The following PDIA5 variants were observed in gnomAD, a reference collection of about 807,000 sequenced individuals.
The protein encoded by PDIA5 is protein disulfide-isomerase A5.
A neutral mutation model predicts 77.6 loss-of-function variants in PDIA5; 58 were observed. The observed-to-expected ratio is 0.75, with a 90% CI of 0.61 to 0.93. The LOEUF (loss-of-function observed/expected upper bound fraction) is 0.93. Among genes scored for constraint, PDIA5 ranks in the 40% least tolerant of loss-of-function variants. The probability of loss-of-function intolerance (pLI) is 0.00; values close to 1 mark genes in which losing one functional copy is unlikely to be tolerated. For synonymous variants in PDIA5, 250 were observed against 252.1 expected (o/e 0.99, Z 0.08); for missense variants, 630 against 647.7 (o/e 0.97, Z 0.30).
chr3:123,124,707 C>G (rs1935201670), intron 10 of PDIA5, among the ~76,000 whole-genome samples: 1 of 152,218 alleles, frequency 6.6e-6, no homozygotes, highest in Non-Finnish European at 1.5e-5. Flanking sequence ...TCCCACATTT[C>G]ACATCAAGTT....
At chr3:123,156,491 A>G (rs1157590010) in intron 15 of PDIA5, among the ~76,000 whole-genome samples, 1 of 152,168 alleles carries the variant, frequency 6.6e-6, no homozygotes, top group Non-Finnish European at 1.5e-5. Context: ...TGCACAGCAC[A>G]GGGTAGTTGC....
chr3:123,078,088 A>G (rs968762601), intron 1 of PDIA5, among the ~76,000 whole-genome samples: 1 of 152,212 alleles, frequency 6.6e-6, no homozygotes, highest in Non-Finnish European at 1.5e-5. Flanking sequence ...GATTACAGGC[A>G]TGAGCCACCG....
At chr3:123,134,590 C>T (rs1935447486) in intron 11 of PDIA5, among the ~76,000 whole-genome samples, 1 of 152,210 alleles carries the variant, frequency 6.6e-6, no homozygotes, top group South Asian at 2.1e-4. Flanking sequence ...TCACTTCCCA[C>T]CTCATCTGCC....
intron 12 of PDIA5, 132 bp downstream of exon 12, chr3:123,145,724 C>G (rs1935753480): frequency 1.4e-6 from 1 of 703,686 alleles, no homozygotes; most frequent in Non-Finnish European, 2.5e-6. Context: ...CCTCTGTGTG[C>G]CCAAGTAGAA....
Position 123,067,216 on chromosome 3 carries a change from TGGGGCAGGGATCC to T in PDIA5, c.42+14_42+26del. Reference sequence around the variant, plus strand: ...GCTGCTGGCAATCTGGGTGAGACTGTGGGGCAGGGATCCGGGCCGGGCCAGCACGTGTGTCCCG... The same window carrying T: ...GCTGCTGGCAATCTGGGTGAGACTGTGGGCCGGGCCAGCACGTGTGTCCCG... On this transcript the variant is annotated intron_variant, in intron 1 of 16. Coordinates refer to ENST00000316218, the MANE Select transcript of PDIA5 (RefSeq NM_006810.4). 8.0e-7 allele frequency: 1 copy of T among 1,246,014 alleles called. No individual in the cohort carries two copies. 77.2% of individuals were successfully genotyped at this position (1,246,014 alleles called of 1,614,324 possible).
chr3:123,153,646 C>G (rs1334702294), intron 14 of PDIA5, among the ~76,000 whole-genome samples: 1 of 152,122 alleles, frequency 6.6e-6, no homozygotes, highest in Admixed American at 6.5e-5. Context: ...CTTGGCAAAG[C>G]CCTCTACACC....
chr3:123,123,492 C>A (rs1321880072), intron 8 of PDIA5, among the ~76,000 whole-genome samples: 1 of 152,138 alleles, frequency 6.6e-6, no homozygotes, highest in Non-Finnish European at 1.5e-5. Flanking sequence ...CCTCGTTTCT[C>A]ATGTTGTGTT....
chr3:123,138,120 A>C (rs1426029201), intron 11 of PDIA5, among the ~76,000 whole-genome samples: 1 of 151,964 alleles, frequency 6.6e-6, no homozygotes, highest in Non-Finnish European at 1.5e-5. Context: ...TAATTTTTTA[A>C]ATTTTTATAG....
intron 11 of PDIA5, among the ~76,000 whole-genome samples, chr3:123,141,578 A>G (rs1031496746): frequency 1.3e-5 from 2 of 152,176 alleles, no homozygotes; most frequent in Non-Finnish European, 2.9e-5. Flanking sequence ...ACTCTGCCCC[A>G]GTCAGGGGAG....
chr3:123,150,294 C>A lies in PDIA5; in HGVS notation c.1203C>A (p.His401Gln). The A allele has an allele frequency of 6.2e-7, 1 of 1,613,800 alleles. No homozygotes were observed. The highest frequency in any genetic ancestry group is 1.1e-5 in the South Asian group (1 of 91,068). Residue 401 changes from histidine to glutamine, a missense_variant, in exon 14 of 17, where the codon CAC (histidine) becomes CAA (glutamine). Coordinates refer to ENST00000316218, the MANE Select transcript of PDIA5 (RefSeq NM_006810.4). The stretch of plus-strand genomic sequence containing the variant: ...AAGAGCAGCAGACAAGCGTGTTGCA[C>A]CTGGTGGGGGACAACTTCCGGGAGA... ...TWEEQQTSVL[H>Q]LVGDNFRETL...
intron 13 of PDIA5, among the ~76,000 whole-genome samples, chr3:123,148,556 G>A (rs1269195874): frequency 6.7e-6 from 1 of 148,788 alleles, no homozygotes; most frequent in Non-Finnish European, 1.5e-5. Context: ...GCAACAGAGT[G>A]AGACCCTGTC....
At chr3:123,119,520 T>C (rs2107951628) in intron 8 of PDIA5, among the ~76,000 whole-genome samples, 1 of 152,330 alleles carries the variant, frequency 6.6e-6, no homozygotes, top group Non-Finnish European at 1.5e-5. Flanking sequence ...TCTGGAAAGT[T>C]CTAGCCCTTT....
chr3:123,140,389 C>T (rs1213277183), intron 11 of PDIA5, among the ~76,000 whole-genome samples: 3 of 152,060 alleles, frequency 2.0e-5, no homozygotes, highest in South Asian at 4.1e-4. Context: ...GAAAATATAC[C>T]CCGGCTGCCC....
At chr3:123,096,787 T>A (rs553043340) in intron 3 of PDIA5, among the ~76,000 whole-genome samples, 1 of 152,324 alleles carries the variant, frequency 6.6e-6, no homozygotes, top group East Asian at 1.9e-4. Context: ...GTGATGGTTG[T>A]CCGGCTGTTA....
At chr3:123,152,007 T>TTCCTG (rs1935920992) in intron 14 of PDIA5, among the ~76,000 whole-genome samples, 1 of 117,106 alleles carries the variant, frequency 8.5e-6, no homozygotes, top group African/African-American at 5.0e-5. Context: ...CTTCCTTCCT[T>TTCCTG]CCTTCCTTCC....
chr3:123,131,969 T>A (rs1935380163), intron 11 of PDIA5, among the ~76,000 whole-genome samples: 1 of 152,046 alleles, frequency 6.6e-6, no homozygotes, highest in Admixed American at 6.5e-5. Flanking sequence ...GGATGGTTAG[T>A]CCATAGAGGC....
chr3:123,092,248 C>T, intron 2 of PDIA5, 107 bp from the exon 3 acceptor site: 3 of 830,650 alleles, frequency 3.6e-6, no homozygotes, highest in Non-Finnish European at 5.9e-6. Context: ...GACTTCTCCA[C>T]CCCCTCTAGG....
chr3:123,155,309 GTGTTTGAACCTTTTTACTGTAGGAT>G (rs566411579), intron 15 of PDIA5, among the ~76,000 whole-genome samples: 33 of 152,322 alleles, frequency 2.2e-4, no homozygotes, highest in Non-Finnish European at 4.3e-4. Context: ...TACTTTTTTA[GTGTTTGAACCTTTTTACTGTAGGAT>G]TGTCATCATG....
chr3:123,127,154 G>A (rs576875341), intron 10 of PDIA5, among the ~76,000 whole-genome samples: 61 of 152,272 alleles, frequency 4.0e-4, no homozygotes, highest in African/African-American at 1.5e-3. Flanking sequence ...TCTCATCTAT[G>A]GCACATGCAT....
Sources: allele counts gnomAD v4.1 joint callset (sites outside exome capture counted in the v4.1 genomes callset), GRCh38; gene constraint gnomAD v4.1.1; transcripts MANE v1.5; gene names NCBI Gene and HGNC (gene_info 2026-07-23, HGNC 2026-07-21).